Variants in GAPVD1 observed in about 807,000 individuals in gnomAD.
GAPVD1 encodes the protein GTPase-activating protein and VPS9 domain-containing protein 1.
In GAPVD1, 35 loss-of-function variants were observed where a neutral mutation model predicts 155.5. The observed-to-expected ratio is 0.23, with a 90% confidence interval of 0.17 to 0.30. GAPVD1 has a LOEUF of 0.30. Ranked by LOEUF, GAPVD1 falls within the 10% of genes least tolerant of loss-of-function variation. The pLI, the probability that GAPVD1 is intolerant of heterozygous loss-of-function variation, is 1.00. For synonymous variants in GAPVD1, 636 were observed against 619.7 expected (o/e 1.03, Z -0.39); for missense variants, 1,429 against 1,775.7 (o/e 0.80, Z 3.51).
intron 10 of GAPVD1, 73 bp from the exon 11 acceptor site, chr9:125,323,725 C>A (rs1308101354): frequency 1.4e-5 from 20 of 1,427,946 alleles, no homozygotes; most frequent in Non-Finnish European, 1.9e-5. Context: ...AGTCTTTTAT[C>A]AAGGCATGAA....
rs1845871151 is a variant in GAPVD1, at chr9:125,330,086, G to T, written c.2041G>T (p.Ala681Ser). The change falls in exon 13 of 28, where the codon GCA becomes TCA. Residue 681 changes from alanine (A) to serine (S), a missense_variant. This residue lies in a region of GAPVD1 where 699 missense variants were observed against 826.0 expected (regional missense o/e 0.85). Transcript: ENST00000297933. Reference protein sequence around the residue: ...DRLQEIAGAAAENMLGSLLCL... With the variant: ...DRLQEIAGAASENMLGSLLCL... ...TCCCACTGGTTATACAGGTGCTGCA[G>T]CAGAGAACATGTTAGGCAGTTTGCT... is the stretch of plus-strand genomic sequence containing the variant. 1 of 1,609,128 alleles carries T rather than the reference G, an allele frequency of 6.2e-7. No homozygotes were observed. Among genetic ancestry groups the T allele is most frequent in the South Asian group, 1.1e-5 (1 of 90,286 alleles).
intron 2 of GAPVD1, among the ~76,000 whole-genome samples, chr9:125,280,362 C>T (rs1836572316): frequency 7.4e-6 from 1 of 134,476 alleles, no homozygotes; most frequent in South Asian, 2.3e-4. Flanking sequence ...CGCCATTGCG[C>T]TCCAGCTTGG....
rs988769205 is a variant in GAPVD1, at chr9:125,366,857, C to G, written c.*4111C>G. ...AAGTTGTGGTTGAGCTATGGAGTGA[C>G]CCTGGAGCTGCCGCATCCCACAGGC... On this transcript the variant is annotated 3_prime_UTR_variant, in exon 28 of 28. Coordinates refer to ENST00000297933, the MANE Select transcript of GAPVD1 (RefSeq NM_001282680.3). 1 of 152,186 alleles carries G rather than the reference C, an allele frequency of 6.6e-6. No individual in the cohort carries two copies. The highest frequency in any genetic ancestry group is 2.4e-5 in the African/African-American group (1 of 41,448). The allele number at this position is 152,186 out of a possible 1,614,324, so 9.4% of individuals were successfully genotyped here. A position where few individuals can be genotyped will look rare whatever the true frequency, so the allele number is the denominator to read the frequency against.
intron 5 of GAPVD1, among the ~76,000 whole-genome samples, chr9:125,304,773 G>A (rs559769808): frequency 6.6e-6 from 1 of 152,272 alleles, no homozygotes; most frequent in Admixed American, 6.5e-5. Flanking sequence ...AAAGTACAAT[G>A]TCAGAAACAA....
At chr9:125,282,867 G>A (rs151004967) in intron 2 of GAPVD1, among the ~76,000 whole-genome samples, 5 of 151,900 alleles carry the variant, frequency 3.3e-5, no homozygotes, top group African/African-American at 7.2e-5. Flanking sequence ...GTATTCTTTC[G>A]CCTATGTTAA....
At chr9:125,302,872 C>T in intron 5 of GAPVD1, 46 bp downstream of exon 5, 1 of 1,541,222 alleles carries the variant, frequency 6.5e-7, no homozygotes, top group Non-Finnish European at 8.7e-7. Flanking sequence ...GTTTAAAATT[C>T]AGTTGATTGG....
rs1197404400 is a variant in GAPVD1 at position 125,367,207 on chromosome 9, G to T, written c.*4461G>T. On this transcript the variant is annotated 3_prime_UTR_variant, in exon 28 of 28. Transcript: ENST00000297933. ...AGGGGAGAGCAGTTTGATTCACAGG[G>T]TTTTATGTTTCTGTCATCTATTTTA... 1 of 152,076 alleles carries T rather than the reference G, an allele frequency of 6.6e-6. No homozygotes were observed. Among genetic ancestry groups the T allele is most frequent in the Admixed American group, 6.6e-5 (1 of 15,252 alleles). 9.4% of individuals were successfully genotyped at this position (152,076 alleles called of 1,614,324 possible).
intron 17 of GAPVD1, 148 bp downstream of exon 17, chr9:125,337,739 C>G: frequency 3.6e-6 from 3 of 835,908 alleles, no homozygotes; most frequent in Middle Eastern, 3.6e-4. Context: ...GGCCCACAAC[C>G]ATAACCGCAG....
At chr9:125,301,162 T>G (rs1840792371) in intron 4 of GAPVD1, among the ~76,000 whole-genome samples, 2 of 152,074 alleles carry the variant, frequency 1.3e-5, no homozygotes. Context: ...CTCAAGCTCC[T>G]GAGCTCAAGC....
intron 25 of GAPVD1, among the ~76,000 whole-genome samples, chr9:125,356,462 G>A (rs973223658): frequency 1.3e-5 from 2 of 152,138 alleles, no homozygotes; most frequent in African/African-American, 4.8e-5. Context: ...AATGTCCCTT[G>A]TGGGGGCAAA....
At chr9:125,277,234 T>G (rs1225125608) in intron 2 of GAPVD1, among the ~76,000 whole-genome samples, 1 of 152,174 alleles carries the variant, frequency 6.6e-6, no homozygotes, top group Non-Finnish European at 1.5e-5. Context: ...TGCTAAGTAA[T>G]GGGGATACCG....
At chr9:125,325,675 T>C (rs1042511069) in intron 11 of GAPVD1, among the ~76,000 whole-genome samples, 5 of 152,168 alleles carry the variant, frequency 3.3e-5, no homozygotes, top group African/African-American at 1.2e-4. Context: ...AAGAGTATTG[T>C]CATTGGAGTG....
chr9:125,303,310 C>T (rs1360881256), intron 5 of GAPVD1, among the ~76,000 whole-genome samples: 1 of 151,726 alleles, frequency 6.6e-6, no homozygotes, highest in Non-Finnish European at 1.5e-5. Flanking sequence ...TGAGCCACCA[C>T]TCCTGGCCTT....
intron 1 of GAPVD1, among the ~76,000 whole-genome samples, chr9:125,266,522 C>T (rs920460287): frequency 6.6e-6 from 1 of 151,942 alleles, no homozygotes; most frequent in African/African-American, 2.4e-5. Flanking sequence ...ACCATGTTAT[C>T]CAGGATGGTC....
intron 2 of GAPVD1, among the ~76,000 whole-genome samples, chr9:125,277,820 C>A (rs1168503401): frequency 6.6e-6 from 1 of 151,948 alleles, no homozygotes; most frequent in East Asian, 1.9e-4. Flanking sequence ...CAGGTGCATG[C>A]CACACCCAGC....
At position 125,306,899 on chromosome 9, in the gene GAPVD1, G is replaced by A. The variant is rs191359954; in HGVS notation, c.1117-514G>A. On this transcript the variant is annotated intron_variant, in intron 6 of 27. Transcript: ENST00000297933. ...GCTGAGCGCACTTTGGGAAGCTGAG[G>A]TGGACGGATCACTTGAACTCAGAAG... Among the ~76,000 whole-genome samples the A allele has an allele frequency of 2.6e-5, 4 of 152,282 alleles. No homozygotes were observed. The East Asian group carries it at 7.7e-4, about 29-fold the overall frequency.
Position 125,354,752 on chromosome 9 carries a change from A to G in GAPVD1, c.3668A>G (p.Asp1223Gly), listed in dbSNP as rs200964077. 5.0e-6 allele frequency: 8 copies of G among 1,613,780 alleles called. No homozygotes were observed. The highest frequency in any genetic ancestry group is 1.1e-5 in the South Asian group (1 of 91,076). ...AGGCTATTGCAAAGAGTTTTGCGGG[A>G]CAAAGAAGTGGCCAATCGATACTTT... ...LERLLQRVLR[D>G]KEVANRYFTT... Residue 1223 changes from aspartate (D) to glycine (G), a missense_variant, in exon 24 of 28, where the codon GAC becomes GGC. By Grantham distance (94) the Asp-to-Gly change is moderately conservative. Transcript: ENST00000297933.
Position 125,341,224 on chromosome 9 carries a change from A to G in GAPVD1, c.2925A>G (p.Arg975=). 3 of 1,603,056 alleles carry G rather than the reference A, an allele frequency of 1.9e-6. No homozygotes were observed. Among genetic ancestry groups the G allele is most frequent in the Non-Finnish European group, 2.6e-6 (3 of 1,172,238 alleles). The change falls in exon 18 of 28, where the codon AGA becomes AGG. Residue 975 remains arginine (R), a synonymous_variant. Coordinates refer to ENST00000297933, the MANE Select transcript of GAPVD1 (RefSeq NM_001282680.3). ...ATGATGAGAAATCAGACAGGAACAG[A>G]CCTTGGTGGAGAAAACGTTTTGTTT... ...DSDDEKSDRN[R]PWWRKRFVSA...
chr9:125,350,684 A>G (rs1849170463), intron 22 of GAPVD1, 29 bp from the exon 23 acceptor site: 4 of 1,361,150 alleles, frequency 2.9e-6, no homozygotes, highest in Non-Finnish European at 2.1e-6. Context: ...ATTCTCAAGA[A>G]TAACAGAATT....
Sources: allele counts gnomAD v4.1 joint callset (sites outside exome capture counted in the v4.1 genomes callset), GRCh38; gene constraint gnomAD v4.1.1; regional missense constraint gnomAD v4.1.1; transcripts MANE v1.5; gene names NCBI Gene and HGNC (gene_info 2026-07-23, HGNC 2026-07-21).